The following PDGFD variants were observed in gnomAD, a reference collection of about 807,000 sequenced individuals.
PDGFD encodes platelet-derived growth factor D.
In PDGFD, 30 loss-of-function variants were observed where a neutral mutation model predicts 44.7. The observed-to-expected ratio is 0.67, with a 90% CI of 0.50 to 0.91. The LOEUF (loss-of-function observed/expected upper bound fraction) is 0.91. Ranked by LOEUF, PDGFD falls within the 40% of genes least tolerant of loss-of-function variation. The probability of loss-of-function intolerance (pLI) is 0.00; values close to 1 mark genes in which losing one functional copy is unlikely to be tolerated. For missense variants in PDGFD, 445 were observed against 457.8 expected (o/e 0.97, Z 0.25); for synonymous variants, 173 against 168.4 (o/e 1.03, Z -0.21).
chr11:104,157,090 T>C (rs142408994), intron 1 of PDGFD, among the ~76,000 whole-genome samples: 1 of 152,298 alleles, frequency 6.6e-6, no homozygotes, highest in African/African-American at 2.4e-5. Context: ...ACTAGACAGG[T>C]TACCTGCATA....
chr11:103,975,854 A>G (rs1859176860), intron 3 of PDGFD, among the ~76,000 whole-genome samples: 1 of 151,994 alleles, frequency 6.6e-6, no homozygotes, highest in South Asian at 2.1e-4. Context: ...GTTGGTCTAT[A>G]TATCTGTTTT....
chr11:104,100,828 T>C (rs2134444812), intron 1 of PDGFD, among the ~76,000 whole-genome samples: 1 of 152,236 alleles, frequency 6.6e-6, no homozygotes, highest in South Asian at 2.1e-4. Flanking sequence ...ACCCAGCATA[T>C]AAACACAACC....
intron 1 of PDGFD, among the ~76,000 whole-genome samples, chr11:104,013,515 T>C (rs938647175): frequency 2.0e-5 from 3 of 151,816 alleles, no homozygotes; most frequent in Non-Finnish European, 2.9e-5. Flanking sequence ...CTGCAAGGGG[T>C]TTGAGTGCAG....
chr11:103,964,199 C>CT (rs916975507), intron 3 of PDGFD, among the ~76,000 whole-genome samples: 54 of 151,950 alleles, frequency 3.6e-4, no homozygotes, highest in Non-Finnish European at 6.3e-4. Context: ...TATCATTGCT[C>CT]TTTTTTTTCT....
chr11:104,114,753 A>G (rs1035576575), intron 1 of PDGFD, among the ~76,000 whole-genome samples: 3 of 151,962 alleles, frequency 2.0e-5, no homozygotes, highest in Admixed American at 2.0e-4. Context: ...TCCATTTATT[A>G]AGTTCTTTGA....
intron 1 of PDGFD, among the ~76,000 whole-genome samples, chr11:104,147,284 A>C (rs1425921590): frequency 6.6e-6 from 1 of 152,182 alleles, no homozygotes; most frequent in Non-Finnish European, 1.5e-5. Flanking sequence ...AAATAGAAGA[A>C]ATAAATTTTG....
chr11:103,950,527 CACT>C, intron 3 of PDGFD, among the ~76,000 whole-genome samples: 1 of 150,970 alleles, frequency 6.6e-6, no homozygotes, highest in East Asian at 1.9e-4. Context: ...TGCACCATTG[CACT>C]CCAGCCTTGG....
At chr11:103,993,132 A>C (rs1309413283) in intron 3 of PDGFD, among the ~76,000 whole-genome samples, 1 of 152,142 alleles carries the variant, frequency 6.6e-6, no homozygotes, top group Non-Finnish European at 1.5e-5. Context: ...CAGTGGTGGC[A>C]TCACTGCTCA....
At position 103,928,372 on chromosome 11, in the gene PDGFD, G is replaced by A. The variant is rs1858349818; in HGVS notation, c.773-1246C>T. 3.3e-5 allele frequency among the ~76,000 whole-genome samples: 5 copies of A among 152,182 alleles called. No homozygotes were observed. The South Asian group carries it at 1.0e-3, about 32-fold the overall frequency. ...ACAGAAGGAATCCCATGAATGTTAG[G>A]CAGTTATCACCATGTTCATTCTAAA... On this transcript the variant is annotated intron_variant, in intron 5 of 6. Transcript: ENST00000393158.
chr11:103,951,009 C>T (rs1164880136), intron 3 of PDGFD, among the ~76,000 whole-genome samples: 2 of 152,254 alleles, frequency 1.3e-5, no homozygotes, highest in East Asian at 3.9e-4. Context: ...AAATGTTACA[C>T]AAGAACTTTT....
At chr11:103,987,888 T>G (rs1859393652) in intron 3 of PDGFD, among the ~76,000 whole-genome samples, 1 of 152,194 alleles carries the variant, frequency 6.6e-6, no homozygotes, top group Non-Finnish European at 1.5e-5. Flanking sequence ...TAAATGCCTG[T>G]CTTTCTTGTG....
rs1358264428 is a variant in PDGFD, at chr11:103,934,160, AT to A, written c.773-7035del. Among the ~76,000 whole-genome samples the A allele has an allele frequency of 2.0e-5, 3 of 152,138 alleles. No individual in the cohort carries two copies. In the South Asian group the frequency reaches 6.2e-4, roughly 32 times the overall value. On this transcript the variant is annotated intron_variant, in intron 5 of 6. Coordinates refer to ENST00000393158, the MANE Select transcript of PDGFD (RefSeq NM_025208.5). ...TCTAGCTCTCACAGAAACTTTCTGA[AT>A]TTTTTTCTTTTACTATGCAAAATGG...
chr11:104,047,570 A>G (rs1860464211), intron 1 of PDGFD, among the ~76,000 whole-genome samples: 1 of 147,250 alleles, frequency 6.8e-6, no homozygotes, highest in African/African-American at 2.5e-5. Context: ...TCCTTTGCCC[A>G]CTTTTTGATG....
At chr11:103,979,859 A>C (rs1859240612) in intron 3 of PDGFD, among the ~76,000 whole-genome samples, 1 of 152,144 alleles carries the variant, frequency 6.6e-6, no homozygotes, top group Non-Finnish European at 1.5e-5. Flanking sequence ...CTCTTACAAA[A>C]GGTTCAGAAG....
chr11:103,994,826 G>A (rs1349470133), intron 3 of PDGFD, among the ~76,000 whole-genome samples: 2 of 151,084 alleles, frequency 1.3e-5, no homozygotes, highest in East Asian at 1.9e-4. Flanking sequence ...TGGGCCTAAC[G>A]TACAGCACTC....
intron 3 of PDGFD, among the ~76,000 whole-genome samples, chr11:103,986,505 A>G (rs2134355789): frequency 6.6e-6 from 1 of 152,318 alleles, no homozygotes; most frequent in African/African-American, 2.4e-5. Context: ...GGAGACATCA[A>G]CAAGTATTTT....
chr11:104,096,960 A>G (rs1861298068), intron 1 of PDGFD, among the ~76,000 whole-genome samples: 1 of 152,298 alleles, frequency 6.6e-6, no homozygotes, highest in Admixed American at 6.5e-5. Context: ...GTCACTATTT[A>G]TTACCTCTTA....
intron 1 of PDGFD, among the ~76,000 whole-genome samples, chr11:104,161,703 C>T (rs1276348281): frequency 6.6e-6 from 1 of 152,186 alleles, no homozygotes; most frequent in East Asian, 1.9e-4. Flanking sequence ...AGATTGTGTT[C>T]ACCCTCTAAG....
chr11:104,107,425 G>A (rs1861487327), intron 1 of PDGFD, among the ~76,000 whole-genome samples: 1 of 152,176 alleles, frequency 6.6e-6, no homozygotes, highest in South Asian at 2.1e-4. Context: ...TCAAGCCACA[G>A]ATGGTGGCAG....
Sources: gnomAD v4.1 joint callset for allele counts (sites outside exome capture counted in the v4.1 genomes callset) on GRCh38, gnomAD v4.1.1 for gene constraint, MANE v1.5 for transcripts, NCBI Gene and HGNC (gene_info 2026-07-23, HGNC 2026-07-21) for gene names.